RAD51B: variants seen among roughly 807,000 people sequenced by gnomAD.
The protein encoded by RAD51B is RAD51 paralog B.
RAD51B carries 38 observed loss-of-function variants against 42.2 expected under a neutral mutation model. The ratio of observed to expected loss-of-function variants is 0.90; its 90% CI spans 0.70 to 1.18. The LOEUF (loss-of-function observed/expected upper bound fraction) is 1.18. Ranked by LOEUF, RAD51B falls within the 50% of genes most tolerant of loss-of-function variation. The pLI, the probability that RAD51B is intolerant of heterozygous loss-of-function variation, is 0.00. For missense variants in RAD51B, 373 were observed against 400.7 expected, an observed-to-expected ratio of 0.93 and a Z score of 0.59; for synonymous variants, 154 against 145.2, an observed-to-expected ratio of 1.06 and a Z score of -0.43.
chr14:67,915,542 T>G (rs2044122387), intron 7 of RAD51B, among the ~76,000 whole-genome samples: 2 of 152,180 alleles, frequency 1.3e-5, no homozygotes, highest in Admixed American at 6.6e-5. Flanking sequence ...AAGTATTGAG[T>G]GTGAAGGAAG....
At chr14:67,944,953 C>G (rs1342332308) in intron 7 of RAD51B, among the ~76,000 whole-genome samples, 2 of 152,086 alleles carry the variant, frequency 1.3e-5, no homozygotes, top group Non-Finnish European at 1.5e-5. Context: ...TTGGATAAGC[C>G]AGAGAGCCCT....
chr14:67,882,658 A>G (rs1230030641), intron 5 of RAD51B, among the ~76,000 whole-genome samples: 1 of 152,186 alleles, frequency 6.6e-6, no homozygotes, highest in African/African-American at 2.4e-5. Context: ...AACACCAATA[A>G]CCAAAACCTT....
intron 7 of RAD51B, among the ~76,000 whole-genome samples, chr14:68,213,493 A>T (rs1327596312): frequency 6.6e-6 from 1 of 152,240 alleles, no homozygotes; most frequent in Middle Eastern, 3.2e-3. Flanking sequence ...GTCCTAAGCT[A>T]AGGTTAACAA....
intron 8 of RAD51B, among the ~76,000 whole-genome samples, chr14:68,410,736 T>C (rs1029083822): frequency 1.3e-5 from 2 of 152,192 alleles, no homozygotes; most frequent in East Asian, 3.8e-4. Flanking sequence ...CTCATGGTGA[T>C]ATCAAGAAGG....
intron 7 of RAD51B, among the ~76,000 whole-genome samples, chr14:67,941,687 GT>G: frequency 6.6e-6 from 1 of 152,202 alleles, no homozygotes; most frequent in South Asian, 2.1e-4. Context: ...ATGAGAAGTT[GT>G]TTTAAACAGG....
intron 7 of RAD51B, among the ~76,000 whole-genome samples, chr14:68,089,050 G>C (rs2077046915): frequency 6.6e-6 from 1 of 152,012 alleles, no homozygotes. Context: ...TGCTTTTCAT[G>C]AACTTTTAAT....
At chr14:68,105,151 C>A (rs1351499938) in intron 7 of RAD51B, among the ~76,000 whole-genome samples, 1 of 150,502 alleles carries the variant, frequency 6.6e-6, no homozygotes, top group Non-Finnish European at 1.5e-5. Flanking sequence ...AAGATATTCT[C>A]AGGTCTATTC....
At chr14:68,270,254 C>T (rs915378851) in intron 7 of RAD51B, among the ~76,000 whole-genome samples, 1 of 152,112 alleles carries the variant, frequency 6.6e-6, no homozygotes, top group Non-Finnish European at 1.5e-5. Context: ...TTGTTTGTGA[C>T]CTGTAAGGAG....
chr14:68,272,656 TATATATATA>T (rs1441071475), intron 7 of RAD51B, among the ~76,000 whole-genome samples: 2 of 23,472 alleles, frequency 8.5e-5, no homozygotes, highest in African/African-American at 4.4e-4. Flanking sequence ...TATATATATA[TATATATATA>T]TTTTTTTTTT....
At chr14:67,890,089 T>A (rs1025160357) in intron 7 of RAD51B, among the ~76,000 whole-genome samples, 2 of 152,184 alleles carry the variant, frequency 1.3e-5, no homozygotes, top group Admixed American at 1.3e-4. Context: ...CCGAAAAAAA[T>A]TTAAATACTG....
intron 10 of RAD51B, chr14:68,541,158 G>A: frequency 2.0e-6 from 2 of 985,432 alleles, no homozygotes; most frequent in Non-Finnish European, 2.4e-6. Flanking sequence ...GCCTTCCTGG[G>A]ACTGCCCAAG....
chr14:67,992,850 A>G (rs1341531793), intron 7 of RAD51B, among the ~76,000 whole-genome samples: 3 of 152,204 alleles, frequency 2.0e-5, no homozygotes, highest in Non-Finnish European at 2.9e-5. Flanking sequence ...AGATAGTGCT[A>G]TGAAATGAAT....
intron 7 of RAD51B, among the ~76,000 whole-genome samples, chr14:68,142,133 A>C (rs952966744): frequency 6.6e-6 from 1 of 152,076 alleles, no homozygotes; most frequent in African/African-American, 2.4e-5. Context: ...TTTACTAGTT[A>C]ATGAAGTGTT....
chr14:68,278,424 T>TA (rs903557157), intron 7 of RAD51B, among the ~76,000 whole-genome samples: 4 of 152,206 alleles, frequency 2.6e-5, no homozygotes, highest in African/African-American at 9.6e-5. Context: ...CTCATGGTGT[T>TA]ACGATGAGGA....
chr14:68,461,336 GA>G (rs60250666), intron 9 of RAD51B, among the ~76,000 whole-genome samples: 59,078 of 125,810 alleles, frequency 0.47, 13,328 homozygotes, highest in Middle Eastern at 0.64. Context: ...TCCATGCAGG[GA>G]AAAAAAAAAA....
chr14:67,825,598 G>T (rs544476626), intron 3 of RAD51B, 21 bp downstream of exon 3: 1 of 1,528,532 alleles, frequency 6.5e-7, no homozygotes. Context: ...ATTTTATTAT[G>T]ATTTGATTAT....
At chr14:68,571,770 G>GT (rs1359840697) in intron 10 of RAD51B, among the ~76,000 whole-genome samples, 1 of 146,990 alleles carries the variant, frequency 6.8e-6, no homozygotes, top group East Asian at 2.0e-4. Context: ...TAGTTGTTCA[G>GT]TTATTGGTTG....
rs145924123 is a variant in RAD51B, at chr14:68,517,746, CT to C, written c.1036+49498del. On this transcript the variant is annotated intron_variant, in intron 10 of 10. Coordinates refer to the RAD51B transcript ENST00000487270. ...TAGAAAACATATCATTAGGTATCAG[CT>C]TATTCTTGTAGATGGACTAGATATG... Among the ~76,000 whole-genome samples, 253 of 152,266 alleles carry C rather than the reference CT, an allele frequency of 1.7e-3. 2 individuals are homozygous for C. The highest frequency in any genetic ancestry group is 5.8e-3 in the African/African-American group (240 of 41,526).
chr14:68,194,119 A>G (rs1172108031), intron 7 of RAD51B, among the ~76,000 whole-genome samples: 2 of 152,238 alleles, frequency 1.3e-5, no homozygotes, highest in Non-Finnish European at 2.9e-5. Flanking sequence ...CACTTGAGGA[A>G]CATTTCAACA....
Sources: gnomAD v4.1 joint callset for allele counts (sites outside exome capture counted in the v4.1 genomes callset) on GRCh38, gnomAD v4.1.1 for gene constraint, MANE v1.5 for transcripts, NCBI Gene and HGNC (gene_info 2026-07-23, HGNC 2026-07-21) for gene names.